The following STX11 variants were observed in gnomAD, a reference collection of about 807,000 sequenced individuals.
STX11 encodes syntaxin-11.
In STX11, 21 loss-of-function variants were observed where a neutral mutation model predicts 19.9. That is an observed-to-expected ratio of 1.06 (90% confidence interval 0.75 to 1.52). The LOEUF (loss-of-function observed/expected upper bound fraction) is 1.52, where lower values mean the gene tolerates loss of function less well. Ranked by LOEUF, STX11 falls within the 40% of genes most tolerant of loss-of-function variation. STX11 has a pLI of 0.00. For synonymous variants in STX11, 193 were observed against 174.4 expected (o/e 1.11, Z -0.84); for missense variants, 438 against 405.9 (o/e 1.08, Z -0.68).
chr6:144,143,596 C>T, the STX11 span, among the ~76,000 whole-genome samples: 2 of 152,242 alleles, frequency 1.3e-5, no homozygotes, highest in African/African-American at 4.8e-5. Context: ...ATTTGGAATA[C>T]ATTTCCTGAC....
In STX11 at chr6:144,166,769, G is replaced by A. The variant is rs554193593; in HGVS notation, c.-6+16066G>A. ...TCAAACTCCTGACCTGATGTGATCC[G>A]CCCGCCTTGGCCTCCCAAAGTGCTG... On this transcript the variant is annotated intron_variant, in intron 1 of 1. Transcript: ENST00000367568. Among the ~76,000 whole-genome samples the A allele has an allele frequency of 5.0e-3, 760 of 152,026 alleles. 6 individuals are homozygous for A. The highest frequency in any genetic ancestry group is 0.017 in the African/African-American group (709 of 41,466).
Position 144,174,402 on chromosome 6 carries a change from C to T in STX11, c.-5-12221C>T, listed in dbSNP as rs375468739. Among the ~76,000 whole-genome samples the T allele has an allele frequency of 2.1e-4, 32 of 152,238 alleles. No individual in the cohort carries two copies. The highest frequency in any genetic ancestry group is 1.7e-3 in the South Asian group (8 of 4,816). On this transcript the variant is annotated intron_variant, in intron 1 of 1. Coordinates refer to ENST00000367568, the MANE Select transcript of STX11 (RefSeq NM_003764.4). The surrounding 1 kb of genome is among the most constrained non-coding windows in gnomAD (Gnocchi z 5.3). ...TTATTTTTATTTTGAGACAGGGTCACGCTGTCATCCAGGCTGGAGTGCAGT... is the reference window on the plus strand; with the variant it reads ...TTATTTTTATTTTGAGACAGGGTCATGCTGTCATCCAGGCTGGAGTGCAGT...
rs1339854746 is a variant in STX11, at chr6:144,162,742, G to A, written c.-6+12039G>A. Among the ~76,000 whole-genome samples the A allele has an allele frequency of 1.3e-5, 2 of 152,194 alleles. No homozygotes were observed. Among genetic ancestry groups the A allele is most frequent in the East Asian group, 1.9e-4 (1 of 5,204 alleles). On this transcript the variant is annotated intron_variant, in intron 1 of 1. Transcript: ENST00000367568. This position sits in a 1 kb window ranked among gnomAD's most constrained non-coding sequence, Gnocchi z 4.6. Reference sequence around the variant, plus strand: ...CTCCAGAAGAAAGGCAGGATAAGGTGGTTTGCCATGGTGGAGTTTGTGTAG... The same window carrying A: ...CTCCAGAAGAAAGGCAGGATAAGGTAGTTTGCCATGGTGGAGTTTGTGTAG...
rs1266819838 is a variant in STX11 at position 144,169,545 on chromosome 6, A to G, written c.-5-17078A>G. Among the ~76,000 whole-genome samples, 1 of 152,142 alleles carries G rather than the reference A, an allele frequency of 6.6e-6. No individual in the cohort carries two copies. Among genetic ancestry groups the G allele is most frequent in the Non-Finnish European group, 1.5e-5 (1 of 68,022 alleles). On this transcript the variant is annotated intron_variant, in intron 1 of 1. Transcript: ENST00000367568. The surrounding 1 kb of genome is among the most constrained non-coding windows in gnomAD (Gnocchi z 5.2). ...CCATTAAATGGCATGTGTTCAGTGT[A>G]AGGCTGATGGATCCACCCTTTCAAT...
At position 144,186,900 on chromosome 6, in the gene STX11, G is replaced by A. The variant is rs544032354; in HGVS notation, c.273G>A (p.Lys91=). The A allele has an allele frequency of 1.2e-6, 2 of 1,611,582 alleles. No individual in the cohort carries two copies. Among genetic ancestry groups the A allele is most frequent in the East Asian group, 2.2e-5 (1 of 44,888 alleles). The part of the protein sequence containing the change: ...SIKRDTNSIA[K]AIKARGEVIH... ...AGCGCGACACCAACTCCATCGCCAAGGCCATCAAGGCCCGGGGCGAGGTCA... is the reference window on the plus strand; with the variant it reads ...AGCGCGACACCAACTCCATCGCCAAAGCCATCAAGGCCCGGGGCGAGGTCA... Residue 91 remains lysine, a synonymous_variant, in exon 2 of 2, where the codon AAG becomes AAA. Transcript: ENST00000367568.
At position 144,182,322 on chromosome 6, in the gene STX11, G is replaced by T. The variant is rs921453624; in HGVS notation, c.-5-4301G>T. Among the ~76,000 whole-genome samples, 1 of 152,180 alleles carries T rather than the reference G, an allele frequency of 6.6e-6. No individual in the cohort carries two copies. The highest frequency in any genetic ancestry group is 1.5e-5 in the Non-Finnish European group (1 of 68,028). ...GTTTTCCTAATGTTTGCTCCCTGGT[G>T]ACCAGGAGACCTTCTATGTCAGTGG... On this transcript the variant is annotated intron_variant, in intron 1 of 1. Coordinates refer to ENST00000367568, the MANE Select transcript of STX11 (RefSeq NM_003764.4). This position sits in a 1 kb window ranked among gnomAD's most constrained non-coding sequence, Gnocchi z 4.8.
At chr6:144,156,691 A>G (rs1214198687) in intron 1 of STX11, among the ~76,000 whole-genome samples, 1 of 152,130 alleles carries the variant, frequency 6.6e-6, no homozygotes, top group African/African-American at 2.4e-5. Context: ...TTGATTAGTG[A>G]CCCAAATCTG....
Position 144,170,978 on chromosome 6 carries a change from AG to A in STX11, c.-5-15643del, listed in dbSNP as rs1046582599. Among the ~76,000 whole-genome samples, 85 of 152,336 alleles carry A rather than the reference AG, an allele frequency of 5.6e-4. No individual in the cohort carries two copies. Among genetic ancestry groups the A allele is most frequent in the African/African-American group, 2.0e-3 (84 of 41,578 alleles). The stretch of plus-strand genomic sequence containing the variant: ...TAATTATTTATACATGGAGAAGACC[AG>A]GTATAGAGAAGATGGCCTACAACAA... On this transcript the variant is annotated intron_variant, in intron 1 of 1. Coordinates refer to ENST00000367568, the MANE Select transcript of STX11 (RefSeq NM_003764.4). This position sits in a 1 kb window ranked among gnomAD's most constrained non-coding sequence, Gnocchi z 4.7.
the STX11 span, among the ~76,000 whole-genome samples, chr6:144,140,391 A>T: frequency 1.3e-5 from 2 of 151,334 alleles, no homozygotes; most frequent in Non-Finnish European, 3.0e-5. Flanking sequence ...AATAGCTGGG[A>T]CTACAGGCGC....
chr6:144,179,143 A>G (rs1443961451), intron 1 of STX11, among the ~76,000 whole-genome samples: 1 of 152,208 alleles, frequency 6.6e-6, no homozygotes, highest in East Asian at 1.9e-4. Context: ...AGACAAAAAG[A>G]GAATGAAGAG....
In STX11 at chr6:144,159,571, A is replaced by G. The variant is rs1584021631; in HGVS notation, c.-6+8868A>G. Reference sequence around the variant, plus strand: ...TATGTGGAAAAAGACAGTACAGGAAAATGACGCCTTCATTTAATGAGGTAA... The same window carrying G: ...TATGTGGAAAAAGACAGTACAGGAAGATGACGCCTTCATTTAATGAGGTAA... On this transcript the variant is annotated intron_variant, in intron 1 of 1. Coordinates refer to ENST00000367568, the MANE Select transcript of STX11 (RefSeq NM_003764.4). This position sits in a 1 kb window ranked among gnomAD's most constrained non-coding sequence, Gnocchi z 4.3. 6.6e-6 allele frequency among the ~76,000 whole-genome samples: 1 copy of G among 152,216 alleles called. No individual in the cohort carries two copies. Among genetic ancestry groups the G allele is most frequent in the East Asian group, 1.9e-4 (1 of 5,188 alleles).
rs1320793823 is a variant in STX11 at position 144,151,218 on chromosome 6, C to CGTAA, written c.-6+517_-6+520dup. ...CTTCGAGGAGTCCCTTCGAAGCCCA[C>CGTAA]GTAAGACTTTGTTTTAGAAACATGG... On this transcript the variant is annotated intron_variant, in intron 1 of 1. Coordinates refer to ENST00000367568, the MANE Select transcript of STX11 (RefSeq NM_003764.4). This position sits in a 1 kb window ranked among gnomAD's most constrained non-coding sequence, Gnocchi z 4.6. 1 of 985,102 alleles carries CGTAA rather than the reference C, an allele frequency of 1.0e-6. No homozygotes were observed. Among genetic ancestry groups the CGTAA allele is most frequent in the Admixed American group, 6.1e-5 (1 of 16,264 alleles). The allele number at this position is 985,102 out of a possible 1,614,324, so 61.0% of individuals were successfully genotyped here.
chr6:144,174,863 T>G lies in STX11; in HGVS notation c.-5-11760T>G, dbSNP rs1414039325. 6.6e-6 allele frequency among the ~76,000 whole-genome samples: 1 copy of G among 152,108 alleles called. No individual in the cohort carries two copies. Among genetic ancestry groups the G allele is most frequent in the African/African-American group, 2.4e-5 (1 of 41,408 alleles). ...AATACTAACATTAGGCCAGGCACAG[T>G]GGCACACATCTGTAATTACAGCACT... is the stretch of plus-strand genomic sequence containing the variant. On this transcript the variant is annotated intron_variant, in intron 1 of 1. Transcript: ENST00000367568. This position sits in a 1 kb window ranked among gnomAD's most constrained non-coding sequence, Gnocchi z 5.3.
At chr6:144,164,860 AT>A (rs199705705) in intron 1 of STX11, among the ~76,000 whole-genome samples, 10,230 of 149,664 alleles carry the variant, frequency 0.068, 984 homozygotes, top group African/African-American at 0.21. Flanking sequence ...TGCCTGGGTA[AT>A]TTTTTTTTTA....
intron 1 of STX11, among the ~76,000 whole-genome samples, chr6:144,161,939 A>C (rs1464082179): frequency 6.6e-6 from 1 of 151,650 alleles, no homozygotes; most frequent in Non-Finnish European, 1.5e-5. Flanking sequence ...AAGATCTTCT[A>C]TTTTTCTGCC....
the STX11 span, among the ~76,000 whole-genome samples, chr6:144,140,024 T>C: frequency 6.6e-6 from 1 of 151,038 alleles, no homozygotes; most frequent in Admixed American, 6.6e-5. Flanking sequence ...CAAAGATCAC[T>C]CCTCACACCT....
rs1458456621 is a variant in STX11 at position 144,162,283 on chromosome 6, C to T, written c.-6+11580C>T. ...AGAAATTTATTTGATGGTGTAACTTCGGTTGCTTCTTGGACTTCTCCATTG... is the reference window on the plus strand; with the variant it reads ...AGAAATTTATTTGATGGTGTAACTTTGGTTGCTTCTTGGACTTCTCCATTG... On this transcript the variant is annotated intron_variant, in intron 1 of 1. Transcript: ENST00000367568. The surrounding 1 kb of genome is among the most constrained non-coding windows in gnomAD (Gnocchi z 4.6). Among the ~76,000 whole-genome samples, 6 of 152,202 alleles carry T rather than the reference C, an allele frequency of 3.9e-5. No individual in the cohort carries two copies. The highest frequency in any genetic ancestry group is 5.9e-5 in the Non-Finnish European group (4 of 68,040).
intron 1 of STX11, among the ~76,000 whole-genome samples, chr6:144,173,737 C>T (rs1375402480): frequency 1.3e-5 from 2 of 152,188 alleles, no homozygotes; most frequent in Non-Finnish European, 2.9e-5. Flanking sequence ...TGTTTGGCTG[C>T]CTATGATATG....
chr6:144,165,688 T>A lies in STX11; in HGVS notation c.-6+14985T>A, dbSNP rs760521177. Among the ~76,000 whole-genome samples the A allele has an allele frequency of 6.6e-6, 1 of 152,206 alleles. No homozygotes were observed. The highest frequency in any genetic ancestry group is 1.5e-5 in the Non-Finnish European group (1 of 68,040). The stretch of plus-strand genomic sequence containing the variant: ...TTTAGATCGTATCATCTGCACATGC[T>A]TCCAAAGGAGTGGTACTTATAGTAT... On this transcript the variant is annotated intron_variant, in intron 1 of 1. Coordinates refer to ENST00000367568, the MANE Select transcript of STX11 (RefSeq NM_003764.4). This position sits in a 1 kb window ranked among gnomAD's most constrained non-coding sequence, Gnocchi z 5.8.
Sources: allele counts gnomAD v4.1 joint callset (sites outside exome capture counted in the v4.1 genomes callset), GRCh38; gene constraint gnomAD v4.1.1; non-coding constraint Gnocchi (gnomAD v3.1); transcripts MANE v1.5; gene names NCBI Gene and HGNC (gene_info 2026-07-23, HGNC 2026-07-21).